Variants in ARFGEF1 observed in about 807,000 individuals in gnomAD.
ARFGEF1 encodes the protein ARF guanine nucleotide exchange factor 1.
ARFGEF1 carries 42 observed loss-of-function variants against 231.0 expected under a neutral mutation model. That is an observed-to-expected ratio of 0.18 (90% CI 0.14 to 0.24). ARFGEF1 has a LOEUF of 0.24. Among genes scored for constraint, ARFGEF1 ranks in the 10% least tolerant of loss-of-function variants. The probability of loss-of-function intolerance (pLI) is 1.00; values close to 1 mark genes in which losing one functional copy is unlikely to be tolerated. For missense variants in ARFGEF1, 1,345 were observed against 2,192.0 expected (o/e 0.61, Z 7.72); for synonymous variants, 710 against 732.3 (o/e 0.97, Z 0.49).
chr8:67,238,550 G>T, intron 21 of ARFGEF1, 57 bp from the exon 22 acceptor site: 1 of 1,522,330 alleles, frequency 6.6e-7, no homozygotes, highest in Non-Finnish European at 8.8e-7. Context: ...TCTTCAAAAA[G>T]ATTTAAATAT....
At chr8:67,233,684 A>G (rs1303994858) in intron 22 of ARFGEF1, among the ~76,000 whole-genome samples, 2 of 151,758 alleles carry the variant, frequency 1.3e-5, no homozygotes, top group Non-Finnish European at 2.9e-5. Flanking sequence ...TCCCTCTTCA[A>G]TCTCTCTTTC....
intron 19 of ARFGEF1, among the ~76,000 whole-genome samples, chr8:67,247,888 A>G (rs1840155275): frequency 6.6e-6 from 1 of 150,512 alleles, no homozygotes. Context: ...AACATACAAA[A>G]TTCAGTAGCA....
In ARFGEF1 at chr8:67,227,243, G is replaced by A. The variant is rs991327422; in HGVS notation, c.3810C>T (p.Asn1270=). The part of the protein sequence containing the change: ...IAQMVNSQAA[N]IRSGWKNIFS... ...AAATGTTCTTCCATCCAGATCGAAT[G>A]TTAGCAGCTTGAGAATTAACCATCT... Residue 1270 remains asparagine (N), a synonymous_variant, in exon 27 of 39, where the codon AAC becomes AAT. Coordinates refer to ENST00000262215, the MANE Select transcript of ARFGEF1 (RefSeq NM_006421.5). The A allele has an allele frequency of 6.2e-7, 1 of 1,613,016 alleles. No individual in the cohort carries two copies. Among genetic ancestry groups the A allele is most frequent in the Non-Finnish European group, 8.5e-7 (1 of 1,179,188 alleles).
downstream of ARFGEF1, chr8:67,195,796 A>ATTAT (rs1554629754): frequency 5.6e-6 from 3 of 534,852 alleles, no homozygotes; most frequent in African/African-American, 5.7e-5. Context: ...AATTGTATAG[A>ATTAT]TTATTTTTGC....
At chr8:67,206,860 G>GT (rs1050234077) in intron 34 of ARFGEF1, among the ~76,000 whole-genome samples, 2 of 152,200 alleles carry the variant, frequency 1.3e-5, no homozygotes, top group African/African-American at 4.8e-5. Context: ...TACAATCCCT[G>GT]TTTCTTTCTA....
At chr8:67,287,389 T>C (rs576855355) in intron 7 of ARFGEF1, among the ~76,000 whole-genome samples, 3 of 152,336 alleles carry the variant, frequency 2.0e-5, no homozygotes, top group South Asian at 2.1e-4. Flanking sequence ...ATTTGGAGCA[T>C]GTACCTGATT....
At chr8:67,244,319 T>G (rs111968611) in intron 19 of ARFGEF1, among the ~76,000 whole-genome samples, 61 of 131,236 alleles carry the variant, frequency 4.6e-4, no homozygotes, top group Non-Finnish European at 7.3e-4. Context: ...TGTTGTTGTT[T>G]TTTTTTTTTT....
chr8:67,181,502 A>T (rs1351093517), intron 5 of ARFGEF1, among the ~76,000 whole-genome samples: 1 of 151,926 alleles, frequency 6.6e-6, no homozygotes, highest in East Asian at 1.9e-4. Context: ...GCCACTCAAG[A>T]TGGTGTGTTG....
At chr8:67,217,648 G>T in intron 32 of ARFGEF1, 134 bp downstream of exon 32, 2 of 929,972 alleles carry the variant, frequency 2.2e-6, no homozygotes, top group Non-Finnish European at 3.2e-6. Flanking sequence ...CTAAATCCAT[G>T]TAAGAGTAAG....
intron 29 of ARFGEF1, among the ~76,000 whole-genome samples, chr8:67,223,996 G>A (rs1238375331): frequency 6.6e-6 from 1 of 152,066 alleles, no homozygotes; most frequent in African/African-American, 2.4e-5. Flanking sequence ...AATTTCTGTT[G>A]TAACAAATAA....
chr8:67,269,283 T>C (rs780659276), intron 10 of ARFGEF1, among the ~76,000 whole-genome samples: 26 of 151,838 alleles, frequency 1.7e-4, no homozygotes, highest in African/African-American at 5.1e-4. Context: ...TGAATCTTCA[T>C]GTAAAAACAA....
intron 22 of ARFGEF1, among the ~76,000 whole-genome samples, chr8:67,235,182 T>G (rs1223157701): frequency 6.7e-6 from 1 of 150,202 alleles, no homozygotes; most frequent in Non-Finnish European, 1.5e-5. Flanking sequence ...AATAAAATAT[T>G]TAAAGGAATC....
At chr8:67,180,492 G>A (rs1160737350) in intron 5 of ARFGEF1, among the ~76,000 whole-genome samples, 5 of 152,092 alleles carry the variant, frequency 3.3e-5, no homozygotes, top group South Asian at 2.1e-4. Flanking sequence ...TGTGGTTTGG[G>A]AACTGTTTTA....
chr8:67,244,056 C>G lies in ARFGEF1; in HGVS notation c.2851-3766G>C, dbSNP rs553036827. Among the ~76,000 whole-genome samples the G allele has an allele frequency of 1.2e-3, 185 of 151,674 alleles. 2 individuals are homozygous for G. Among genetic ancestry groups the G allele is most frequent in the South Asian group, 8.4e-4 (4 of 4,786 alleles). On this transcript the variant is annotated intron_variant, in intron 19 of 38. Coordinates refer to ENST00000262215, the MANE Select transcript of ARFGEF1 (RefSeq NM_006421.5). ...GGAGTTTTGAGACCAGCCTGGCCAA[C>G]ATGACAAAACCCTGTCTCTACTAAA... is the stretch of plus-strand genomic sequence containing the variant.
chr8:67,306,047 ATGAT>A (rs1806728157), intron 1 of ARFGEF1, among the ~76,000 whole-genome samples: 1 of 152,194 alleles, frequency 6.6e-6, no homozygotes, highest in Non-Finnish European at 1.5e-5. Flanking sequence ...ACCTCAGCAT[ATGAT>A]TGTTTTTTCT....
Position 67,238,457 on chromosome 8 carries a change from G to A in ARFGEF1, c.3175C>T (p.Leu1059Phe), listed in dbSNP as rs780313573. The A allele has an allele frequency of 6.2e-7, 1 of 1,613,580 alleles. No individual in the cohort carries two copies. The highest frequency in any genetic ancestry group is 8.5e-7 in the Non-Finnish European group (1 of 1,179,892). The part of the protein sequence containing the change: ...KCISQLELAQ[L>F]IGTGVKPRYI... ...CGAGGTTTCACTCCAGTTCCTATAA[G>A]CTGTGCCAGCTCCAACTGACTGATG... The change falls in exon 22 of 39, where the codon CTT becomes TTT. Residue 1059 changes from leucine to phenylalanine, a missense_variant. Around this residue, in one of 14 missense-constraint regions of ARFGEF1, gnomAD observed 146 missense variants for 321.4 expected, o/e 0.45. Coordinates refer to ENST00000262215, the MANE Select transcript of ARFGEF1 (RefSeq NM_006421.5).
At chr8:67,219,622 G>T in intron 29 of ARFGEF1, 62 bp from the exon 30 acceptor site, 1 of 1,483,464 alleles carries the variant, frequency 6.7e-7, no homozygotes, top group Non-Finnish European at 9.1e-7. Context: ...TCCTAAAATA[G>T]TTTTTAGAGT....
chr8:67,301,428 T>C (rs749009799), intron 2 of ARFGEF1, 48 bp from the exon 3 acceptor site: 39 of 1,541,234 alleles, frequency 2.5e-5, no homozygotes, highest in South Asian at 1.3e-4. Flanking sequence ...ATTTATAATA[T>C]TGATAATAAA....
At chr8:67,311,295 T>C (rs1412191275) in intron 1 of ARFGEF1, among the ~76,000 whole-genome samples, 4 of 46,034 alleles carry the variant, frequency 8.7e-5, no homozygotes, top group Admixed American at 2.6e-4. Context: ...GTGGGGGGGG[T>C]CAGCCCCCCC....
Sources: allele counts gnomAD v4.1 joint callset (sites outside exome capture counted in the v4.1 genomes callset), GRCh38; gene constraint gnomAD v4.1.1; regional missense constraint gnomAD v4.1.1; transcripts MANE v1.5; gene names NCBI Gene and HGNC (gene_info 2026-07-23, HGNC 2026-07-21).